NDUFAF5: variants seen among roughly 807,000 people sequenced by gnomAD.
The protein encoded by NDUFAF5 is arginine-hydroxylase NDUFAF5, mitochondrial.
Under a neutral mutation model 48.9 loss-of-function variants are expected in NDUFAF5, and 34 were observed. The observed-to-expected ratio is 0.70, with a 90% CI of 0.53 to 0.93. The LOEUF (loss-of-function observed/expected upper bound fraction) is 0.93. Ranked by LOEUF, NDUFAF5 falls within the 40% of genes least tolerant of loss-of-function variation. The probability of loss-of-function intolerance (pLI) is 0.00; values close to 1 mark genes in which losing one functional copy is unlikely to be tolerated. For missense variants in NDUFAF5, 428 were observed against 427.5 expected (o/e 1.00, Z -0.01); for synonymous variants, 153 against 150.6 (o/e 1.02, Z -0.12).
At chr20:13,794,223 A>G (rs1054253199) in intron 4 of NDUFAF5, among the ~76,000 whole-genome samples, 12 of 151,748 alleles carry the variant, frequency 7.9e-5, no homozygotes, top group Non-Finnish European at 1.8e-4. Flanking sequence ...TAAAATGTCC[A>G]GTCCACCCAT....
At chr20:13,793,653 T>TA (rs1271625453) in intron 4 of NDUFAF5, among the ~76,000 whole-genome samples, 1 of 152,232 alleles carries the variant, frequency 6.6e-6, no homozygotes, top group African/African-American at 2.4e-5. Context: ...GAAGGGCAGT[T>TA]ACGTTTCTAG....
At chr20:13,817,043 A>T (rs1986553790) in intron 10 of NDUFAF5, 75 bp from the exon 11 acceptor site, 8 of 1,541,780 alleles carry the variant, frequency 5.2e-6, no homozygotes, top group Middle Eastern at 3.4e-4. Context: ...GTAATGTAAG[A>T]CAGCATTAAG....
At chr20:13,795,045 C>T in intron 5 of NDUFAF5, 104 bp downstream of exon 5, 2 of 782,152 alleles carry the variant, frequency 2.6e-6, no homozygotes, top group Non-Finnish European at 4.4e-6. Context: ...GTAATGCTAG[C>T]ACTTTGGGAG....
At chr20:13,796,008 C>A (rs1357751914) in intron 5 of NDUFAF5, among the ~76,000 whole-genome samples, 1 of 152,206 alleles carries the variant, frequency 6.6e-6, no homozygotes, top group African/African-American at 2.4e-5. Context: ...ATCCTGTCCT[C>A]AAATAACTCA....
intron 5 of NDUFAF5, among the ~76,000 whole-genome samples, chr20:13,796,286 A>G (rs1411466502): frequency 1.3e-5 from 2 of 152,210 alleles, no homozygotes; most frequent in African/African-American, 4.8e-5. Context: ...GAACAAAGTT[A>G]GAAAACTACT....
intron 3 of NDUFAF5, 83 bp downstream of exon 3, chr20:13,788,735 T>C: frequency 1.1e-6 from 1 of 883,600 alleles, no homozygotes; most frequent in Non-Finnish European, 1.8e-6. Context: ...CAGTTTAGCT[T>C]GCAACATATT....
intron 5 of NDUFAF5, among the ~76,000 whole-genome samples, chr20:13,795,619 G>C (rs1453868408): frequency 1.3e-5 from 2 of 152,112 alleles, no homozygotes; most frequent in East Asian, 3.9e-4. Flanking sequence ...AGGAGTTCGA[G>C]ACCAGCCTGG....
chr20:13,816,155 G>A, intron 8 of NDUFAF5: 3 of 424,922 alleles, frequency 7.1e-6, no homozygotes, highest in South Asian at 6.4e-5. Context: ...CAACTCACCT[G>A]GGGTGGCAGT....
chr20:13,787,522 T>G (rs1415048998), intron 2 of NDUFAF5, among the ~76,000 whole-genome samples, 170 bp downstream of exon 2: 1 of 152,218 alleles, frequency 6.6e-6, no homozygotes, highest in African/African-American at 2.4e-5. Flanking sequence ...AGCAAATGTT[T>G]TCTTCATTGT....
Position 13,818,923 on chromosome 20 carries a change from C to T in NDUFAF5, c.*1713C>T, listed in dbSNP as rs1418387957. The T allele has an allele frequency of 3.3e-5, 5 of 152,072 alleles. No individual in the cohort carries two copies. In the East Asian group the frequency reaches 9.6e-4, roughly 29 times the overall value. The allele number at this position is 152,072 out of a possible 1,614,324, so 9.4% of individuals were successfully genotyped here. On this transcript the variant is annotated 3_prime_UTR_variant, in exon 11 of 11. Coordinates refer to ENST00000378106, the MANE Select transcript of NDUFAF5 (RefSeq NM_024120.5). ...AACTTCCTGTAAAATTTGAATTTTC[C>T]AAGCAAGAATATTACTTTTGCTTAT...
At chr20:13,816,345 A>G in intron 8 of NDUFAF5, 118 bp from the exon 9 acceptor site, 2 of 771,906 alleles carry the variant, frequency 2.6e-6, no homozygotes, top group East Asian at 2.5e-5. Context: ...TTAGGTTTAC[A>G]TGACCCTTAG....
intron 6 of NDUFAF5, among the ~76,000 whole-genome samples, chr20:13,800,559 G>T (rs1303826556): frequency 2.6e-5 from 4 of 152,148 alleles, no homozygotes; most frequent in Non-Finnish European, 5.9e-5. Context: ...TTTTCCTTAA[G>T]TTACTAATTA....
intron 8 of NDUFAF5, among the ~76,000 whole-genome samples, chr20:13,810,852 A>G (rs914687582): frequency 1.3e-5 from 2 of 152,170 alleles, no homozygotes; most frequent in Admixed American, 6.6e-5. Flanking sequence ...TTTATGTTTG[A>G]AAACAAGAAG....
intron 7 of NDUFAF5, among the ~76,000 whole-genome samples, chr20:13,805,615 A>G (rs1020245314): frequency 3.3e-5 from 5 of 152,234 alleles, no homozygotes; most frequent in African/African-American, 1.2e-4. Flanking sequence ...TGAGGCATGT[A>G]TACAGTTTTG....
At chr20:13,786,714 C>T (rs1981209875) in intron 1 of NDUFAF5, among the ~76,000 whole-genome samples, 1 of 152,052 alleles carries the variant, frequency 6.6e-6, no homozygotes, top group South Asian at 2.1e-4. Context: ...TTTATTGCTA[C>T]CAGATGAAGC....
At chr20:13,788,700 A>G (rs1461668722) in intron 3 of NDUFAF5, 48 bp downstream of exon 3, 2 of 1,218,800 alleles carry the variant, frequency 1.6e-6, no homozygotes, top group Non-Finnish European at 2.4e-6. Context: ...AACATTGGCT[A>G]ATTTTAAAGA....
chr20:13,791,821 T>A (rs1393077031), intron 3 of NDUFAF5, among the ~76,000 whole-genome samples: 1 of 152,224 alleles, frequency 6.6e-6, no homozygotes, highest in Admixed American at 6.5e-5. Flanking sequence ...CCCTGTAGTC[T>A]ATCCATAGTA....
intron 4 of NDUFAF5, among the ~76,000 whole-genome samples, chr20:13,794,437 G>A (rs551862524): frequency 2.0e-5 from 3 of 152,184 alleles, no homozygotes; most frequent in Admixed American, 6.5e-5. Flanking sequence ...GTGCCACCAC[G>A]TCCAGCTAAT....
intron 5 of NDUFAF5, 146 bp from the exon 6 acceptor site, chr20:13,798,315 C>A: frequency 1.5e-6 from 1 of 687,864 alleles, no homozygotes. Flanking sequence ...ATTTTAAAAC[C>A]TGTATGAAAA....
Sources: allele counts gnomAD v4.1 joint callset (sites outside exome capture counted in the v4.1 genomes callset), GRCh38; gene constraint gnomAD v4.1.1; transcripts MANE v1.5; gene names NCBI Gene and HGNC (gene_info 2026-07-23, HGNC 2026-07-21).